The following DGKB variants were observed in gnomAD, a reference collection of about 807,000 sequenced individuals.
DGKB encodes the protein 90 kDa diacylglycerol kinase.
A neutral mutation model predicts 114.3 loss-of-function variants in DGKB; 67 were observed. The ratio of observed to expected loss-of-function variants is 0.59; its 90% CI spans 0.48 to 0.72. DGKB has a LOEUF of 0.72. Ranked by LOEUF, DGKB falls within the 30% of genes least tolerant of loss-of-function variation. The probability of loss-of-function intolerance (pLI) is 0.00; values close to 1 mark genes in which losing one functional copy is unlikely to be tolerated. For synonymous variants in DGKB, 398 were observed against 323.1 expected, an observed-to-expected ratio of 1.23 and a Z score of -2.49; for missense variants, 907 against 975.2, an observed-to-expected ratio of 0.93 and a Z score of 0.93.
At chr7:14,510,273 C>A (rs1254186363) in intron 20 of DGKB, among the ~76,000 whole-genome samples, 1 of 152,166 alleles carries the variant, frequency 6.6e-6, no homozygotes, top group African/African-American at 2.4e-5. Flanking sequence ...GGAGATCTTT[C>A]AAAACTGGGG....
intron 2 of DGKB, among the ~76,000 whole-genome samples, chr7:14,758,361 A>G (rs1337866927): frequency 6.6e-6 from 1 of 152,070 alleles, no homozygotes; most frequent in African/African-American, 2.4e-5. Context: ...CAGTATTACA[A>G]TTAAAGTTAA....
Position 14,211,331 on chromosome 7 carries a change from T to C in DGKB, c.2123-33180A>G, listed in dbSNP as rs796831956. On this transcript the variant is annotated intron_variant, in intron 23 of 25. Transcript: ENST00000402815. ...ATGTTTTGTGATATTTACTCTCATG[T>C]TTTGTGATTTTACTCTCATGTTTTG... 1.5e-4 allele frequency among the ~76,000 whole-genome samples: 15 copies of C among 101,788 alleles called. 1 individual carries two copies. The highest frequency in any genetic ancestry group is 8.6e-4 in the East Asian group (2 of 2,314). 66.8% of individuals were successfully genotyped at this position (101,788 alleles called of 152,430 possible). A position where few individuals can be genotyped will look rare whatever the true frequency, so the allele number is the denominator to read the frequency against.
At chr7:14,486,228 T>C (rs1188844603) in intron 20 of DGKB, among the ~76,000 whole-genome samples, 2 of 152,164 alleles carry the variant, frequency 1.3e-5, no homozygotes, top group Non-Finnish European at 2.9e-5. Flanking sequence ...GGGAAAGTAG[T>C]AGCTATACAC....
At chr7:14,972,854 ACT>A (rs1048102336) in intron 1 of DGKB, among the ~76,000 whole-genome samples, 1 of 152,036 alleles carries the variant, frequency 6.6e-6, no homozygotes, top group African/African-American at 2.4e-5. Context: ...TTATCTTTCC[ACT>A]CTAAACACAA....
chr7:14,185,977 G>C (rs1452928247), intron 23 of DGKB, among the ~76,000 whole-genome samples: 1 of 152,158 alleles, frequency 6.6e-6, no homozygotes, highest in Non-Finnish European at 1.5e-5. Flanking sequence ...TCATGACCAA[G>C]AACCCAAAAG....
intron 23 of DGKB, among the ~76,000 whole-genome samples, chr7:14,257,270 C>T (rs529504532): frequency 1.3e-5 from 2 of 151,928 alleles, no homozygotes; most frequent in Non-Finnish European, 2.9e-5. Flanking sequence ...TTTCTGTTAC[C>T]TGAACACGAA....
chr7:14,849,790 AC>A (rs1849106029), intron 1 of DGKB, among the ~76,000 whole-genome samples: 1 of 152,132 alleles, frequency 6.6e-6, no homozygotes. Context: ...GACACAGACC[AC>A]CACTGATCAG....
chr7:14,810,502 A>G (rs1001790750), intron 2 of DGKB, among the ~76,000 whole-genome samples: 10 of 152,224 alleles, frequency 6.6e-5, no homozygotes, highest in Non-Finnish European at 1.5e-4. Flanking sequence ...ATTAATTTTA[A>G]TAATTTATTT....
chr7:14,194,662 T>C (rs548290286), intron 23 of DGKB, among the ~76,000 whole-genome samples: 35 of 152,198 alleles, frequency 2.3e-4, no homozygotes, highest in African/African-American at 8.4e-4. Flanking sequence ...CAGAAATACA[T>C]ATATTCTGTT....
intron 23 of DGKB, among the ~76,000 whole-genome samples, chr7:14,247,174 T>C (rs1794607248): frequency 6.6e-6 from 1 of 152,162 alleles, no homozygotes; most frequent in Non-Finnish European, 1.5e-5. Context: ...ATTTCCTTCT[T>C]TTTAAGGCTG....
intron 21 of DGKB, among the ~76,000 whole-genome samples, chr7:14,374,740 A>G (rs1818215245): frequency 6.6e-6 from 1 of 152,114 alleles, no homozygotes; most frequent in South Asian, 2.1e-4. Context: ...TACTATTTAC[A>G]TTGATTGGGC....
chr7:14,422,566 C>CA (rs1376600633), intron 21 of DGKB, among the ~76,000 whole-genome samples: 1 of 151,870 alleles, frequency 6.6e-6, no homozygotes, highest in African/African-American at 2.4e-5. Context: ...TTCAAATACC[C>CA]AAAACTGTCT....
chr7:14,799,357 C>T (rs571398958), intron 2 of DGKB, among the ~76,000 whole-genome samples: 9 of 152,316 alleles, frequency 5.9e-5, no homozygotes, highest in African/African-American at 2.2e-4. Flanking sequence ...GGATCTTGAT[C>T]ACCTTTCCCT....
At chr7:14,723,671 G>C (rs369037543) in intron 5 of DGKB, among the ~76,000 whole-genome samples, 1 of 151,758 alleles carries the variant, frequency 6.6e-6, no homozygotes, top group Admixed American at 6.6e-5. Flanking sequence ...TAATTAGAGC[G>C]TATTAGTCTT....
intron 20 of DGKB, among the ~76,000 whole-genome samples, chr7:14,500,194 C>T (rs186079201): frequency 1.6e-3 from 240 of 151,862 alleles, no homozygotes; most frequent in African/African-American, 5.5e-3. Flanking sequence ...ACAATATCCT[C>T]CTTTTCTCGT....
intron 1 of DGKB, among the ~76,000 whole-genome samples, chr7:14,912,808 T>G (rs1401180663): frequency 6.6e-6 from 1 of 152,120 alleles, no homozygotes; most frequent in Non-Finnish European, 1.5e-5. Flanking sequence ...CCCACACATA[T>G]GAGTGTCCCA....
At chr7:14,815,329 A>G (rs775744822) in intron 2 of DGKB, 2 of 152,164 alleles carry the variant, frequency 1.3e-5, no homozygotes, top group Non-Finnish European at 2.9e-5. Flanking sequence ...CTCATCCTAA[A>G]TTAGTAGAGT....
intron 21 of DGKB, among the ~76,000 whole-genome samples, chr7:14,477,209 A>G (rs1371383429): frequency 2.6e-5 from 4 of 152,218 alleles, no homozygotes; most frequent in Non-Finnish European, 5.9e-5. Flanking sequence ...TTTATTGTGA[A>G]CCTACATGGG....
chr7:14,801,180 A>G (rs1842100145), intron 2 of DGKB, among the ~76,000 whole-genome samples: 1 of 152,146 alleles, frequency 6.6e-6, no homozygotes, highest in African/African-American at 2.4e-5. Flanking sequence ...GTTGCAGGAT[A>G]CCAAGGAGAA....
Sources: allele counts gnomAD v4.1 joint callset (sites outside exome capture counted in the v4.1 genomes callset), GRCh38; gene constraint gnomAD v4.1.1; transcripts MANE v1.5; gene names NCBI Gene and HGNC (gene_info 2026-07-23, HGNC 2026-07-21).